ADCY1: variants seen among roughly 807,000 people sequenced by gnomAD.
ADCY1 encodes adenylate cyclase 1.
In ADCY1, 28 loss-of-function variants were observed where a neutral mutation model predicts 105.4. The observed-to-expected ratio is 0.27, with a 90% confidence interval of 0.20 to 0.36. ADCY1 has a LOEUF of 0.36. ADCY1 is among the 10% of genes least tolerant of loss of function. The pLI is 1.00. For missense variants in ADCY1, 977 were observed against 1,434.2 expected, an observed-to-expected ratio of 0.68 and a Z score of 5.15; for synonymous variants, 655 against 623.8, an observed-to-expected ratio of 1.05 and a Z score of -0.75.
chr7:45,639,224 G>A (rs1794477006), intron 4 of ADCY1, among the ~76,000 whole-genome samples: 1 of 152,204 alleles, frequency 6.6e-6, no homozygotes, highest in African/African-American at 2.4e-5. Flanking sequence ...AGTCACAGAT[G>A]TGAACAATAT....
chr7:45,634,970 A>G (rs963253704), intron 4 of ADCY1, among the ~76,000 whole-genome samples: 1 of 152,186 alleles, frequency 6.6e-6, no homozygotes, highest in South Asian at 2.1e-4. Flanking sequence ...GAGTTTGGGA[A>G]CATTTCCTTT....
rs1315717020 is a variant in ADCY1 at position 45,662,159 on chromosome 7, T to C, written c.1550T>C (p.Met517Thr). 3.7e-6 allele frequency: 6 copies of C among 1,613,996 alleles called. No homozygotes were observed. The highest frequency in any genetic ancestry group is 1.1e-5 in the South Asian group (1 of 91,040). ...GTGCAGCTCATGCACTGCCGGAAAA[T>C]GTTCAAGGCCGAGATCCCCTTCTCC... The part of the protein sequence containing the change: ...LLVQLMHCRK[M>T]FKAEIPFSNV... Residue 517 changes from methionine to threonine, a missense_variant, in exon 8 of 20, where the codon ATG (methionine) becomes ACG (threonine). Physicochemically the swap from Met to Thr is moderately conservative, Grantham distance 81 (BLOSUM62 -1). Around this residue, in one of 7 missense-constraint regions of ADCY1, gnomAD observed 66 missense variants for 127.2 expected, o/e 0.52. Transcript: ENST00000297323.
intron 8 of ADCY1, 77 bp downstream of exon 8, chr7:45,662,291 C>A: frequency 6.8e-7 from 1 of 1,475,896 alleles, no homozygotes. Flanking sequence ...ATATGGCCCC[C>A]GTGCCATTTG....
chr7:45,668,226 TC>T (rs1327060935), intron 8 of ADCY1, among the ~76,000 whole-genome samples: 3 of 152,356 alleles, frequency 2.0e-5, no homozygotes, highest in East Asian at 3.9e-4. Flanking sequence ...AGGGAACACT[TC>T]CAGTTTTTGC....
In ADCY1 at chr7:45,662,194, A is replaced by G; in HGVS notation, c.1585A>G (p.Thr529Ala). The change falls in exon 8 of 20, where the codon ACC becomes GCC. Residue 529 changes from threonine (T) to alanine (A), a missense_variant. By Grantham distance (58) the Thr-to-Ala change is moderately conservative. Transcript: ENST00000297323. ...KAEIPFSNVM[T>A]CEDDDKRRAL... ...CGAGATCCCCTTCTCCAATGTCATG[A>G]CCTGCGAGGACGATGACAAGGTAGG... 6.2e-7 allele frequency: 1 copy of G among 1,613,370 alleles called. No homozygotes were observed. Among genetic ancestry groups the G allele is most frequent in the Non-Finnish European group, 8.5e-7 (1 of 1,179,824 alleles).
At chr7:45,673,823 T>A (rs561982379) in intron 8 of ADCY1, among the ~76,000 whole-genome samples, 1 of 151,856 alleles carries the variant, frequency 6.6e-6, no homozygotes, top group East Asian at 1.9e-4. Context: ...CATTTCTTTT[T>A]CTAGTTTGTT....
intron 8 of ADCY1, among the ~76,000 whole-genome samples, chr7:45,669,805 A>G (rs2461110): frequency 0.55 from 83,583 of 152,082 alleles, 26,380 homozygotes; most frequent in South Asian, 0.7. Context: ...ACTGATTGCC[A>G]TAATGTTTTA....
intron 5 of ADCY1, among the ~76,000 whole-genome samples, chr7:45,654,197 T>C (rs759826270): frequency 3.3e-4 from 50 of 152,308 alleles, no homozygotes; most frequent in Admixed American, 9.8e-4. Flanking sequence ...TGTGTACCCA[T>C]AGGAATGTGG....
At chr7:45,704,495 A>G (rs770543920) in intron 16 of ADCY1, 23 bp from the exon 17 acceptor site, 2 of 1,606,786 alleles carry the variant, frequency 1.2e-6, no homozygotes, top group Non-Finnish European at 1.7e-6. Flanking sequence ...GTCATGTTTA[A>G]CAGTTTTATG....
intron 4 of ADCY1, among the ~76,000 whole-genome samples, chr7:45,640,013 G>A (rs538859630): frequency 1.3e-5 from 2 of 152,180 alleles, no homozygotes; most frequent in Non-Finnish European, 2.9e-5. Context: ...AGTTAGGATC[G>A]CTTGCATTCA....
chr7:45,607,923 G>A (rs1028635534), intron 2 of ADCY1, among the ~76,000 whole-genome samples: 1 of 152,164 alleles, frequency 6.6e-6, no homozygotes, highest in Non-Finnish European at 1.5e-5. Context: ...TGTCTTTTTG[G>A]TAGAATGATT....
At chr7:45,636,404 T>C (rs1794398785) in intron 4 of ADCY1, among the ~76,000 whole-genome samples, 1 of 152,240 alleles carries the variant, frequency 6.6e-6, no homozygotes, top group South Asian at 2.1e-4. Flanking sequence ...AAAAAAGCTG[T>C]ACATGTTCAG....
chr7:45,588,869 ATGTG>A (rs55962124), intron 1 of ADCY1, among the ~76,000 whole-genome samples: 231 of 149,036 alleles, frequency 1.5e-3, no homozygotes, highest in Middle Eastern at 3.5e-3. Context: ...CATTGCGTGT[ATGTG>A]TGTGTGTGTG....
intron 5 of ADCY1, among the ~76,000 whole-genome samples, chr7:45,654,863 CTG>C (rs1262645729): frequency 6.6e-6 from 1 of 152,124 alleles, no homozygotes; most frequent in African/African-American, 2.4e-5. Flanking sequence ...GTTAGGGAAA[CTG>C]AGTCCTAGGT....
intron 17 of ADCY1, among the ~76,000 whole-genome samples, chr7:45,706,920 AAG>A (rs1288083760): frequency 1.3e-5 from 2 of 152,230 alleles, no homozygotes; most frequent in South Asian, 4.1e-4. Context: ...ACCTCACCAA[AAG>A]AGATGCAGAT....
In ADCY1 at chr7:45,721,887, T is replaced by C. The variant is rs1208069716; in HGVS notation, c.*7892T>C. ...AGAGCTTTCAGGCACTTATTGAGAA[T>C]TAATGTTTAAACAGACATAATAGCC... On this transcript the variant is annotated 3_prime_UTR_variant, in exon 20 of 20. Transcript: ENST00000297323. 4 of 398,508 alleles carry C rather than the reference T, an allele frequency of 1.0e-5. No individual in the cohort carries two copies. The highest frequency in any genetic ancestry group is 1.8e-5 in the Non-Finnish European group (4 of 226,074). 24.7% of individuals were successfully genotyped at this position (398,508 alleles called of 1,614,324 possible). A position where few individuals can be genotyped will look rare whatever the true frequency, so the allele number is the denominator to read the frequency against.
intron 14 of ADCY1, among the ~76,000 whole-genome samples, chr7:45,699,717 G>A (rs1223929010): frequency 2.0e-5 from 3 of 152,258 alleles, no homozygotes; most frequent in Admixed American, 1.3e-4. Context: ...GCCCTGTAGA[G>A]TTGCTGCCTA....
At chr7:45,637,832 T>G (rs1000924629) in intron 4 of ADCY1, among the ~76,000 whole-genome samples, 1 of 152,232 alleles carries the variant, frequency 6.6e-6, no homozygotes, top group Non-Finnish European at 1.5e-5. Context: ...TTTGCCTAAA[T>G]TTTTTAAAAT....
chr7:45,699,551 G>C (rs1169461876), intron 14 of ADCY1, among the ~76,000 whole-genome samples: 1 of 152,174 alleles, frequency 6.6e-6, no homozygotes, highest in African/African-American at 2.4e-5. Flanking sequence ...CGAGCAGCCA[G>C]GGTGAGAGCT....
Sources: gnomAD v4.1 joint callset for allele counts (sites outside exome capture counted in the v4.1 genomes callset) on GRCh38, gnomAD v4.1.1 for gene constraint, gnomAD v4.1.1 regional missense constraint, MANE v1.5 for transcripts, NCBI Gene and HGNC (gene_info 2026-07-23, HGNC 2026-07-21) for gene names.